Variants in FBN2 observed in about 807,000 individuals in gnomAD.
The protein encoded by FBN2 is fibrillin 2.
Under a neutral mutation model 355.6 loss-of-function variants are expected in FBN2, and 105 were observed. The observed-to-expected ratio is 0.30, with a 90% confidence interval of 0.25 to 0.35. FBN2 has a LOEUF of 0.35. Ranked by LOEUF, FBN2 falls within the 10% of genes least tolerant of loss-of-function variation. The pLI, the probability that FBN2 is intolerant of heterozygous loss-of-function variation, is 1.00. For synonymous variants in FBN2, 1,350 were observed against 1,301.2 expected (o/e 1.04, Z -0.81); for missense variants, 3,280 against 3,758.7 (o/e 0.87, Z 3.33).
At position 128,364,500 on chromosome 5, in the gene FBN2, T is replaced by C. The variant is rs560440701; in HGVS notation, c.2428+100A>G. Reference sequence around the variant, plus strand: ...AATATGAAGAAAACAAGAAAAACTGTACAATTTTTAGTTTTAGTCATTTGT... The same window carrying C: ...AATATGAAGAAAACAAGAAAAACTGCACAATTTTTAGTTTTAGTCATTTGT... On this transcript the variant is annotated intron_variant, in intron 18 of 64. Coordinates refer to ENST00000262464, the MANE Select transcript of FBN2 (RefSeq NM_001999.4). 2.6e-5 allele frequency: 33 copies of C among 1,253,176 alleles called. 1 individual carries two copies. The South Asian group carries it at 4.2e-4, about 16-fold the overall frequency. The allele number at this position is 1,253,176 out of a possible 1,614,324, so 77.6% of individuals were successfully genotyped here.
intron 5 of FBN2, among the ~76,000 whole-genome samples, chr5:128,511,623 C>G (rs748528613): frequency 6.6e-6 from 1 of 152,164 alleles, no homozygotes; most frequent in African/African-American, 2.4e-5. Flanking sequence ...AAGAGGCCTA[C>G]AGCCAAGCAA....
intron 31 of FBN2, among the ~76,000 whole-genome samples, chr5:128,334,035 G>A (rs1172795035): frequency 1.3e-5 from 2 of 151,974 alleles, no homozygotes; most frequent in African/African-American, 2.4e-5. Context: ...CTTAAATTGT[G>A]CACTGAGGAA....
chr5:128,495,241 T>C (rs1263170977), intron 5 of FBN2, among the ~76,000 whole-genome samples: 1 of 151,114 alleles, frequency 6.6e-6, no homozygotes, highest in African/African-American at 2.4e-5. Flanking sequence ...CTATAGAGAG[T>C]ATACAATTTG....
rs965709151 is a variant in FBN2 at position 128,259,714 on chromosome 5, G to A, written c.8480C>T (p.Pro2827Leu). The A allele has an allele frequency of 6.2e-7, 1 of 1,613,882 alleles. No individual in the cohort carries two copies. Among genetic ancestry groups the A allele is most frequent in the Non-Finnish European group, 8.5e-7 (1 of 1,179,928 alleles). Reference sequence around the variant, plus strand: ...GACATAACGGATGTGGTTGTTGAGGGGCTGGATGGCGGGCCTTAGTTCCAG... The same window carrying A: ...GACATAACGGATGTGGTTGTTGAGGAGCTGGATGGCGGGCCTTAGTTCCAG... The part of the protein sequence containing the change: ...HILELRPAIQ[P>L]LNNHIRYVIS... The change falls in exon 65 of 65, where the codon CCC (proline) becomes CTC (leucine). Residue 2827 changes from proline (P) to leucine (L), a missense_variant. This residue lies in a region of FBN2 where 311 missense variants were observed against 319.1 expected (regional missense o/e 0.97). Transcript: ENST00000262464.
At chr5:128,482,382 C>T (rs1755216928) in intron 5 of FBN2, among the ~76,000 whole-genome samples, 1 of 152,136 alleles carries the variant, frequency 6.6e-6, no homozygotes, top group Admixed American at 6.5e-5. Flanking sequence ...CCCTCACTCT[C>T]ACCTATTCTC....
At chr5:128,527,495 G>A (rs1756592376) in intron 4 of FBN2, among the ~76,000 whole-genome samples, 1 of 152,040 alleles carries the variant, frequency 6.6e-6, no homozygotes, top group African/African-American at 2.4e-5. Context: ...ACTGGAGAGG[G>A]AAGGAAGAAG....
chr5:128,309,405 T>G lies in FBN2; in HGVS notation c.5201-6A>C, dbSNP rs879942478. ...GCAAAAGCTTTTTCTCATGTCTATA[T>G]AAAGAAAAACAAAGAAACTAGCCAT... On this transcript the variant is annotated splice_polypyrimidine_tract_variant and splice_region_variant and intron_variant, in intron 40 of 64. Coordinates refer to ENST00000262464, the MANE Select transcript of FBN2 (RefSeq NM_001999.4). 1.9e-6 allele frequency: 3 copies of G among 1,613,270 alleles called. No individual in the cohort carries two copies. In the South Asian group the frequency reaches 3.3e-5, roughly 18 times the overall value.
chr5:128,355,260 T>C (rs905777794), intron 20 of FBN2, among the ~76,000 whole-genome samples: 6 of 152,156 alleles, frequency 3.9e-5, no homozygotes, highest in African/African-American at 1.4e-4. Flanking sequence ...TCCATGCAAG[T>C]TGAAGACAGA....
chr5:128,335,075 A>AGGCTTTTT, intron 30 of FBN2, 95 bp downstream of exon 30: 1 of 1,550,232 alleles, frequency 6.5e-7, no homozygotes, highest in Admixed American at 1.7e-5. Flanking sequence ...TTAAAATAAC[A>AGGCTTTTT]ACAGAAAAAG....
chr5:128,387,774 T>C (rs1342371333), intron 11 of FBN2, among the ~76,000 whole-genome samples: 1 of 152,182 alleles, frequency 6.6e-6, no homozygotes, highest in Non-Finnish European at 1.5e-5. Flanking sequence ...GTGTGGTTAA[T>C]CTAGAGTATG....
At chr5:128,500,039 A>T (rs866166540) in intron 5 of FBN2, among the ~76,000 whole-genome samples, 50 of 152,194 alleles carry the variant, frequency 3.3e-4, no homozygotes, top group African/African-American at 1.0e-3. Flanking sequence ...GTGCAACAAT[A>T]TTAGTCTTAA....
chr5:128,514,971 T>C (rs1284066737), intron 5 of FBN2, among the ~76,000 whole-genome samples: 1 of 152,242 alleles, frequency 6.6e-6, no homozygotes, highest in African/African-American at 2.4e-5. Context: ...CCATATTCCC[T>C]ATATTCCTGG....
At chr5:128,270,807 A>G (rs1404238785) in intron 62 of FBN2, among the ~76,000 whole-genome samples, 4 of 152,092 alleles carry the variant, frequency 2.6e-5, no homozygotes, top group African/African-American at 7.2e-5. Context: ...GCCTTTGTTT[A>G]TGAATCAATA....
At chr5:128,417,303 A>G (rs1753231355) in intron 7 of FBN2, among the ~76,000 whole-genome samples, 1 of 152,152 alleles carries the variant, frequency 6.6e-6, no homozygotes, top group African/African-American at 2.4e-5. Context: ...ACAAAGAGAG[A>G]CAATTTGATT....
At chr5:128,397,441 C>T (rs974236427) in intron 8 of FBN2, among the ~76,000 whole-genome samples, 2 of 152,010 alleles carry the variant, frequency 1.3e-5, no homozygotes, top group South Asian at 2.1e-4. Context: ...AATTTGAAAA[C>T]GAAACAACAA....
chr5:128,462,729 T>TA (rs1754592309), intron 6 of FBN2, among the ~76,000 whole-genome samples: 1 of 152,142 alleles, frequency 6.6e-6, no homozygotes, highest in African/African-American at 2.4e-5. Flanking sequence ...AGTATGAAAG[T>TA]AAAAAAGCAT....
At chr5:128,379,052 A>C (rs1451268883) in intron 11 of FBN2, among the ~76,000 whole-genome samples, 162 bp from the exon 12 acceptor site, 3 of 152,174 alleles carry the variant, frequency 2.0e-5, no homozygotes, top group African/African-American at 7.2e-5. Context: ...CTTCAAATAC[A>C]CTCAGAGGCC....
intron 11 of FBN2, among the ~76,000 whole-genome samples, chr5:128,386,975 T>A (rs1310498315): frequency 6.6e-6 from 1 of 151,942 alleles, no homozygotes; most frequent in Non-Finnish European, 1.5e-5. Context: ...TAGGAAGGAG[T>A]TCCTCCTCTT....
At chr5:128,355,897 T>G (rs1184022694) in intron 20 of FBN2, among the ~76,000 whole-genome samples, 1 of 152,142 alleles carries the variant, frequency 6.6e-6, no homozygotes, top group Non-Finnish European at 1.5e-5. Context: ...GGTAAAAAAG[T>G]CTTTGTTCTT....
Sources: gnomAD v4.1 joint callset for allele counts (sites outside exome capture counted in the v4.1 genomes callset) on GRCh38, gnomAD v4.1.1 for gene constraint, gnomAD v4.1.1 regional missense constraint, MANE v1.5 for transcripts, NCBI Gene and HGNC (gene_info 2026-07-23, HGNC 2026-07-21) for gene names.